AMOTL1: variants seen among roughly 807,000 people sequenced by gnomAD.
The protein encoded by AMOTL1 is angiomotin-like protein 1.
A neutral mutation model predicts 102.9 loss-of-function variants in AMOTL1; 45 were observed. The observed-to-expected ratio is 0.44, with a 90% CI of 0.34 to 0.56. AMOTL1 has a LOEUF of 0.56. Among genes scored for constraint, AMOTL1 ranks in the 20% least tolerant of loss-of-function variants. The pLI is 0.01. For missense variants in AMOTL1, 1,114 were observed against 1,225.6 expected (o/e 0.91, Z 1.36); for synonymous variants, 481 against 484.7 (o/e 0.99, Z 0.10).
At chr11:94,854,335 A>G (rs962313163) in intron 8 of AMOTL1, among the ~76,000 whole-genome samples, 2 of 152,204 alleles carry the variant, frequency 1.3e-5, no homozygotes, top group African/African-American at 4.8e-5. Flanking sequence ...GCAGCATTAG[A>G]TGACTTCAGA....
intron 1 of AMOTL1, among the ~76,000 whole-genome samples, chr11:94,711,245 A>T (rs1950017986): frequency 6.6e-6 from 1 of 152,190 alleles, no homozygotes; most frequent in Admixed American, 6.5e-5. Flanking sequence ...GTAAACAAAG[A>T]ATCATGCAAA....
intron 4 of AMOTL1, among the ~76,000 whole-genome samples, chr11:94,823,268 G>A (rs1315804088): frequency 6.6e-6 from 1 of 152,206 alleles, no homozygotes; most frequent in Non-Finnish European, 1.5e-5. Flanking sequence ...GCTCCCTGGA[G>A]TCAAGACCAG....
chr11:94,860,934 G>A (rs547242387), intron 9 of AMOTL1, among the ~76,000 whole-genome samples: 2 of 152,298 alleles, frequency 1.3e-5, no homozygotes, highest in South Asian at 4.2e-4. Context: ...TATCGACGTA[G>A]GGGAGAATCC....
intron 3 of AMOTL1, among the ~76,000 whole-genome samples, chr11:94,813,342 C>G (rs530427978): frequency 1.3e-5 from 2 of 152,320 alleles, no homozygotes; most frequent in Non-Finnish European, 2.9e-5. Flanking sequence ...ACTCAAGACA[C>G]TCCATCTGGG....
At chr11:94,854,225 A>T in intron 8 of AMOTL1, 143 bp downstream of exon 8, 29 of 1,116,482 alleles carry the variant, frequency 2.6e-5, no homozygotes, top group Non-Finnish European at 3.3e-5. Context: ...GTGAACCCAT[A>T]CAACAACCAG....
At chr11:94,823,061 C>T (rs953009912) in intron 4 of AMOTL1, among the ~76,000 whole-genome samples, 5 of 152,130 alleles carry the variant, frequency 3.3e-5, no homozygotes, top group South Asian at 2.1e-4. Flanking sequence ...TCCGGCTGGC[C>T]GATTTAGTGT....
Position 94,733,394 on chromosome 11 carries a change from G to C in AMOTL1, c.85+4339G>C, listed in dbSNP as rs145364854. On this transcript the variant is annotated intron_variant, in intron 2 of 4. Transcript: ENST00000299004. ...GTTTCAACTGTCGTTTTACAGAGAA[G>C]AGCACAGTATAAGCAGATTAGGACA... 2.5e-3 allele frequency among the ~76,000 whole-genome samples: 386 copies of C among 152,330 alleles called. 3 individuals are homozygous for C. Among genetic ancestry groups the C allele is most frequent in the African/African-American group, 8.9e-3 (368 of 41,566 alleles).
chr11:94,731,247 C>T (rs1950345857), intron 2 of AMOTL1, among the ~76,000 whole-genome samples: 1 of 152,186 alleles, frequency 6.6e-6, no homozygotes, highest in African/African-American at 2.4e-5. Flanking sequence ...GATAATCAGT[C>T]TATATCCTGC....
Position 94,790,937 on chromosome 11 carries a change from C to T in AMOTL1, c.50-4074C>T, listed in dbSNP as rs537201789. ...TGCTCCTCTTGCCTCCCCCAGACAA[C>T]TCACTTCATTCACCTTAATTCATTT... On this transcript the variant is annotated intron_variant, in intron 1 of 12. Transcript: ENST00000433060. Among the ~76,000 whole-genome samples, 6 of 152,298 alleles carry T rather than the reference C, an allele frequency of 3.9e-5. No homozygotes were observed. The East Asian group carries it at 9.7e-4, about 25-fold the overall frequency.
rs773289745 is a variant in AMOTL1 at position 94,768,569 on chromosome 11, C to A, written c.49+9C>A. 1.9e-6 allele frequency: 3 copies of A among 1,590,870 alleles called. No homozygotes were observed. Among genetic ancestry groups the A allele is most frequent in the South Asian group, 2.3e-5 (2 of 86,914 alleles). ...TGAGCCTGCGGTGAAAGGTAACCAG[C>A]CCCCACTCGAGGTGCCGGGAGGGCG... On this transcript the variant is annotated intron_variant, in intron 1 of 12. Coordinates refer to ENST00000433060, the MANE Select transcript of AMOTL1 (RefSeq NM_130847.3).
chr11:94,826,080 T>A (rs1384151026), intron 4 of AMOTL1, among the ~76,000 whole-genome samples: 1 of 152,024 alleles, frequency 6.6e-6, no homozygotes, highest in Non-Finnish European at 1.5e-5. Flanking sequence ...AGATCAGGAG[T>A]TCGAGACCAG....
chr11:94,821,861 T>G (rs770525551), intron 4 of AMOTL1, 40 bp downstream of exon 4: 10 of 1,598,434 alleles, frequency 6.3e-6, no homozygotes, highest in Non-Finnish European at 8.5e-6. Flanking sequence ...AGACAAATTC[T>G]TTACCTGGTC....
upstream of AMOTL1, among the ~76,000 whole-genome samples, chr11:94,765,694 G>A (rs4753618): frequency 0.093 from 14,176 of 152,162 alleles, 1,246 homozygotes; most frequent in East Asian, 0.28. Context: ...AGAATCTGTA[G>A]CATTTGATAG....
At position 94,854,005 on chromosome 11, in the gene AMOTL1, T is replaced by G; in HGVS notation, c.1867T>G (p.Cys623Gly). The G allele has an allele frequency of 6.3e-7, 1 of 1,590,176 alleles. No individual in the cohort carries two copies. The highest frequency in any genetic ancestry group is 8.6e-7 in the Non-Finnish European group (1 of 1,167,484). The change falls in exon 8 of 13, where the codon TGT becomes GGT. Residue 623 changes from cysteine to glycine, a missense_variant. By Grantham distance (159) the Cys-to-Gly change is radical. Coordinates refer to ENST00000433060, the MANE Select transcript of AMOTL1 (RefSeq NM_130847.3). ...GGCCCTGACCCAGCTGCAGTCTGCA[T>G]GTGAGAAGCGAGAACAGATGGAGCG... is the stretch of plus-strand genomic sequence containing the variant. ...QQALTQLQSA[C>G]EKREQMERRL...
chr11:94,754,287 T>C (rs150544572), intron 3 of AMOTL1, among the ~76,000 whole-genome samples: 38 of 152,260 alleles, frequency 2.5e-4, no homozygotes, highest in Middle Eastern at 3.4e-3. Flanking sequence ...TCCATCACAG[T>C]GTGACCCGAA....
chr11:94,864,704 T>C, intron 9 of AMOTL1, 31 bp from the exon 10 acceptor site: 1 of 1,605,394 alleles, frequency 6.2e-7, no homozygotes, highest in Non-Finnish European at 8.5e-7. Context: ...GAAGGTTTCC[T>C]ATGATCAAAC....
In AMOTL1 at chr11:94,850,136, G is replaced by T; in HGVS notation, c.1671G>T (p.Lys557Asn). 1 of 1,582,214 alleles carries T rather than the reference G, an allele frequency of 6.3e-7. No individual in the cohort carries two copies. Among genetic ancestry groups the T allele is most frequent in the South Asian group, 1.2e-5 (1 of 86,184 alleles). The change falls in exon 7 of 13, where the codon AAG becomes AAT. Residue 557 changes from lysine to asparagine, a missense_variant. Lys to Asn is a moderately conservative substitution (Grantham distance 94). Transcript: ENST00000433060. ...TAGACAAAGAATTCTTGAAGGAAAAGGAGAAATTAGAAATGGAGTTAGCAG... is the reference window on the plus strand; with the variant it reads ...TAGACAAAGAATTCTTGAAGGAAAATGAGAAATTAGAAATGGAGTTAGCAG... ...ASQNKEFLKE[K>N]EKLEMELAAV...
At chr11:94,732,159 T>G (rs1323293192) in intron 2 of AMOTL1, among the ~76,000 whole-genome samples, 1 of 152,196 alleles carries the variant, frequency 6.6e-6, no homozygotes, top group Non-Finnish European at 1.5e-5. Flanking sequence ...GGGTTTGCAT[T>G]TCTAGTGGAG....
chr11:94,781,028 C>A (rs1951103231), intron 1 of AMOTL1, among the ~76,000 whole-genome samples: 1 of 152,142 alleles, frequency 6.6e-6, no homozygotes, highest in Non-Finnish European at 1.5e-5. Context: ...GTCTTAACAT[C>A]CTTCCCTTTG....
Sources: gnomAD v4.1 joint callset for allele counts (sites outside exome capture counted in the v4.1 genomes callset) on GRCh38, gnomAD v4.1.1 for gene constraint, MANE v1.5 for transcripts, NCBI Gene and HGNC (gene_info 2026-07-23, HGNC 2026-07-21) for gene names.